ROBO1: variants seen among roughly 807,000 people sequenced by gnomAD.
ROBO1 encodes roundabout homolog 1.
Under a neutral mutation model 195.9 loss-of-function variants are expected in ROBO1, and 149 were observed. The ratio of observed to expected loss-of-function variants is 0.76; its 90% CI spans 0.67 to 0.87. ROBO1 has a LOEUF of 0.87. ROBO1 is among the 40% of genes least tolerant of loss of function. ROBO1 has a pLI of 0.00. For synonymous variants in ROBO1, 816 were observed against 733.2 expected (o/e 1.11, Z -1.82); for missense variants, 1,933 against 2,068.3 (o/e 0.93, Z 1.27).
At chr3:78,614,244 T>C (rs1462698622) in intron 28 of ROBO1, among the ~76,000 whole-genome samples, 1 of 152,162 alleles carries the variant, frequency 6.6e-6, no homozygotes, top group African/African-American at 2.4e-5. Flanking sequence ...TTCAAACACA[T>C]TTACTGTCTT....
At chr3:79,750,693 T>C (rs995727412) in intron 1 of ROBO1, among the ~76,000 whole-genome samples, 2 of 152,222 alleles carry the variant, frequency 1.3e-5, no homozygotes, top group Admixed American at 6.5e-5. Context: ...CCACGTAAGA[T>C]GTGACTTGCT....
chr3:79,094,201 C>T (rs2079526342), intron 3 of ROBO1, among the ~76,000 whole-genome samples: 1 of 152,022 alleles, frequency 6.6e-6, no homozygotes, highest in South Asian at 2.1e-4. Flanking sequence ...TTGCTTATTA[C>T]AGCAGTATGA....
chr3:78,970,392 C>A (rs900168545), intron 3 of ROBO1, among the ~76,000 whole-genome samples: 1 of 152,114 alleles, frequency 6.6e-6, no homozygotes, highest in Non-Finnish European at 1.5e-5. Context: ...TAATACTACA[C>A]TGCAGGGTGA....
At chr3:79,026,630 A>C (rs1373571630) in intron 3 of ROBO1, among the ~76,000 whole-genome samples, 1 of 152,100 alleles carries the variant, frequency 6.6e-6, no homozygotes, top group Non-Finnish European at 1.5e-5. Flanking sequence ...GATATTGGGA[A>C]ACATAAAGAT....
intron 4 of ROBO1, among the ~76,000 whole-genome samples, chr3:78,922,450 A>G (rs2038988135): frequency 6.6e-6 from 1 of 152,082 alleles, no homozygotes; most frequent in South Asian, 2.1e-4. Flanking sequence ...GAAAAGCATA[A>G]TTTCAAAGAA....
intron 1 of ROBO1, among the ~76,000 whole-genome samples, chr3:79,639,981 G>A (rs1395445534): frequency 1.3e-5 from 2 of 152,054 alleles, no homozygotes; most frequent in East Asian, 1.9e-4. Flanking sequence ...TTTCTTTTAT[G>A]CAAATGTGTA....
chr3:79,338,828 A>T (rs759121988), intron 2 of ROBO1, among the ~76,000 whole-genome samples: 3 of 152,002 alleles, frequency 2.0e-5, no homozygotes, highest in Non-Finnish European at 4.4e-5. Flanking sequence ...CTCTATTCCT[A>T]CTTCTCACCT....
intron 2 of ROBO1, among the ~76,000 whole-genome samples, chr3:79,188,049 T>C (rs1437208627): frequency 6.6e-6 from 1 of 151,950 alleles, no homozygotes; most frequent in Non-Finnish European, 1.5e-5. Context: ...CCTATTTTTA[T>C]ACTGAGTGCA....
At chr3:79,146,747 A>G (rs2080661371) in intron 2 of ROBO1, among the ~76,000 whole-genome samples, 1 of 152,002 alleles carries the variant, frequency 6.6e-6, no homozygotes, top group South Asian at 2.1e-4. Flanking sequence ...AAAAAAGCAC[A>G]TAGGACAAAA....
At chr3:78,916,103 T>G (rs187253664) in intron 4 of ROBO1, among the ~76,000 whole-genome samples, 2 of 151,150 alleles carry the variant, frequency 1.3e-5, no homozygotes, top group Non-Finnish European at 2.9e-5. Flanking sequence ...TACAAAAAAT[T>G]AGCCGGGTGT....
chr3:79,216,614 T>C (rs944315879), intron 2 of ROBO1, among the ~76,000 whole-genome samples: 1 of 151,786 alleles, frequency 6.6e-6, no homozygotes, highest in African/African-American at 2.4e-5. Context: ...TCTGTTAACA[T>C]ACCATCTACA....
At chr3:79,718,283 A>T (rs542313410) in intron 1 of ROBO1, among the ~76,000 whole-genome samples, 100 of 152,192 alleles carry the variant, frequency 6.6e-4, no homozygotes, top group African/African-American at 2.3e-3. Context: ...ATTACTGTTA[A>T]GTACTTATAT....
chr3:79,298,064 A>G (rs1179271614), intron 2 of ROBO1, among the ~76,000 whole-genome samples: 2 of 152,174 alleles, frequency 1.3e-5, no homozygotes, highest in East Asian at 3.8e-4. Context: ...ATAGAGAAAT[A>G]CTATTCTCAA....
At chr3:79,084,110 C>T (rs1368239216) in intron 3 of ROBO1, among the ~76,000 whole-genome samples, 2 of 152,282 alleles carry the variant, frequency 1.3e-5, no homozygotes, top group Admixed American at 1.3e-4. Context: ...ATAGTTTAGA[C>T]AGTTGCTAGA....
intron 1 of ROBO1, among the ~76,000 whole-genome samples, chr3:79,702,466 G>A (rs986535768): frequency 2.6e-5 from 4 of 151,780 alleles, no homozygotes; most frequent in Non-Finnish European, 4.4e-5. Flanking sequence ...GTTATTTTCT[G>A]ATCCATTGAA....
intron 2 of ROBO1, among the ~76,000 whole-genome samples, chr3:79,136,544 C>A (rs1213023306): frequency 6.6e-6 from 1 of 152,100 alleles, no homozygotes; most frequent in Non-Finnish European, 1.5e-5. Context: ...CTCATCGATT[C>A]TTTCCTACTA....
intron 2 of ROBO1, among the ~76,000 whole-genome samples, chr3:79,286,693 C>T (rs1199492949): frequency 6.6e-6 from 1 of 152,036 alleles, no homozygotes; most frequent in Non-Finnish European, 1.5e-5. Flanking sequence ...TTTCCTAACG[C>T]CTGCCCAAGG....
intron 3 of ROBO1, among the ~76,000 whole-genome samples, chr3:78,965,181 C>T (rs981914729): frequency 6.6e-6 from 1 of 151,854 alleles, no homozygotes; most frequent in Non-Finnish European, 1.5e-5. Flanking sequence ...ATAATATATA[C>T]TATATACTTT....
At chr3:79,121,063 T>C (rs1303887579) in intron 3 of ROBO1, among the ~76,000 whole-genome samples, 1 of 152,128 alleles carries the variant, frequency 6.6e-6, no homozygotes, top group African/African-American at 2.4e-5. Context: ...CTATTTATCT[T>C]TTAGAATATT....
Sources: gnomAD v4.1 joint callset for allele counts (sites outside exome capture counted in the v4.1 genomes callset) on GRCh38, gnomAD v4.1.1 for gene constraint, MANE v1.5 for transcripts, NCBI Gene and HGNC (gene_info 2026-07-23, HGNC 2026-07-21) for gene names.